The following NAALADL2 variants were observed in gnomAD, a reference collection of about 807,000 sequenced individuals.
NAALADL2 encodes N-acetylated alpha-linked acidic dipeptidase like 2, also known as inactive N-acetylated-alpha-linked acidic dipeptidase-like protein 2.
A neutral mutation model predicts 87.2 loss-of-function variants in NAALADL2; 76 were observed. That is an observed-to-expected ratio of 0.87 (90% CI 0.72 to 1.05). The LOEUF (loss-of-function observed/expected upper bound fraction) is 1.05, where lower values mean the gene tolerates loss of function less well. NAALADL2 is among the 50% of genes least tolerant of loss of function. The pLI is 0.00. For missense variants in NAALADL2, 1,089 were observed against 945.8 expected (o/e 1.15, Z -1.99); for synonymous variants, 354 against 331.0 (o/e 1.07, Z -0.75).
At chr3:175,456,136 G>A (rs531668973) in intron 6 of NAALADL2, among the ~76,000 whole-genome samples, 34 of 152,054 alleles carry the variant, frequency 2.2e-4, no homozygotes, top group East Asian at 7.7e-4. Context: ...TAGTTATCAC[G>A]GAAGAAGAAG....
At position 174,749,488 on chromosome 3, in the gene NAALADL2, C is replaced by T. The variant is rs76250181; in HGVS notation, c.-9+11742C>T. Among the ~76,000 whole-genome samples the T allele has an allele frequency of 6.4e-3, 931 of 146,078 alleles. 6 individuals are homozygous for T. The highest frequency in any genetic ancestry group is 0.023 in the African/African-American group (882 of 38,932). ...TCTGTGAATGGCAGATTATGGTTGC[C>T]AATGATAGTAGTTAGGAAAAAAAAA... On this transcript the variant is annotated intron_variant, in intron 3 of 3. Transcript: ENST00000434257.
At chr3:174,796,120 G>C (rs1718053187) in intron 3 of NAALADL2, among the ~76,000 whole-genome samples, 1 of 152,136 alleles carries the variant, frequency 6.6e-6, no homozygotes, top group African/African-American at 2.4e-5. Context: ...ACAGATACGA[G>C]AGATGCCTTG....
intron 12 of NAALADL2, among the ~76,000 whole-genome samples, chr3:175,738,186 A>G (rs1347443502): frequency 6.6e-6 from 1 of 152,210 alleles, no homozygotes; most frequent in Non-Finnish European, 1.5e-5. Flanking sequence ...TGAAACAGTA[A>G]TCCTTTGAAA....
chr3:175,045,602 G>A (rs1754570522), intron 1 of NAALADL2, among the ~76,000 whole-genome samples: 1 of 152,112 alleles, frequency 6.6e-6, no homozygotes, highest in South Asian at 2.1e-4. Context: ...TTGAATCAGA[G>A]AAAAATGATT....
intron 6 of NAALADL2, among the ~76,000 whole-genome samples, chr3:175,451,253 A>G (rs768042838): frequency 3.2e-4 from 48 of 152,288 alleles, no homozygotes; most frequent in Non-Finnish European, 5.3e-4. Flanking sequence ...AAACAAAAGA[A>G]TTAAATGCCT....
At chr3:174,826,799 T>C (rs1468608891) in intron 3 of NAALADL2, among the ~76,000 whole-genome samples, 1 of 152,192 alleles carries the variant, frequency 6.6e-6, no homozygotes, top group African/African-American at 2.4e-5. Flanking sequence ...AAGTCCTAGA[T>C]AGCATTTCCA....
chr3:175,293,735 A>G (rs886478458), intron 4 of NAALADL2, among the ~76,000 whole-genome samples: 1 of 152,222 alleles, frequency 6.6e-6, no homozygotes, highest in African/African-American at 2.4e-5. Context: ...CCTGAAAGTG[A>G]ACCCTCATCA....
chr3:175,120,532 C>G (rs1725996332), intron 2 of NAALADL2, among the ~76,000 whole-genome samples: 1 of 151,636 alleles, frequency 6.6e-6, no homozygotes, highest in African/African-American at 2.4e-5. Flanking sequence ...AGAGTGAAGG[C>G]CATTAAAAAT....
intron 2 of NAALADL2, among the ~76,000 whole-genome samples, chr3:174,591,351 A>G (rs1242124080): frequency 6.6e-6 from 1 of 152,204 alleles, no homozygotes; most frequent in South Asian, 2.1e-4. Flanking sequence ...AGATAAAATC[A>G]CAGTAGACTA....
In NAALADL2 at chr3:175,252,671, A is replaced by C. The variant is rs140786980; in HGVS notation, c.820-3740A>C. On this transcript the variant is annotated intron_variant, in intron 3 of 13. Transcript: ENST00000454872. ...CAGGTCAAAAGCCAAGATAGGTCACAAGCTAGATCCCTTGTGTCAAACAGC... is the reference window on the plus strand; with the variant it reads ...CAGGTCAAAAGCCAAGATAGGTCACCAGCTAGATCCCTTGTGTCAAACAGC... Among the ~76,000 whole-genome samples the C allele has an allele frequency of 4.8e-3, 724 of 152,338 alleles. 6 individuals carry two copies. The highest frequency in any genetic ancestry group is 0.01 in the Middle Eastern group (3 of 294).
chr3:175,238,520 A>G (rs142443264), intron 3 of NAALADL2, among the ~76,000 whole-genome samples: 1,891 of 152,290 alleles, frequency 0.012, 24 homozygotes, highest in South Asian at 0.039. Flanking sequence ...ATGCAAATCT[A>G]TTATACTAAA....
At chr3:174,598,708 C>G (rs1305677007) in intron 2 of NAALADL2, among the ~76,000 whole-genome samples, 1 of 152,048 alleles carries the variant, frequency 6.6e-6, no homozygotes, top group Non-Finnish European at 1.5e-5. Context: ...TAGATTTGGA[C>G]AGCAAAAGTT....
At chr3:175,754,826 C>T (rs1242917179) in intron 12 of NAALADL2, among the ~76,000 whole-genome samples, 3 of 152,082 alleles carry the variant, frequency 2.0e-5, no homozygotes, top group African/African-American at 7.2e-5. Context: ...AAGTTTTGGT[C>T]AATATTAAAG....
At chr3:174,478,846 G>A (rs1717373742) in intron 1 of NAALADL2, among the ~76,000 whole-genome samples, 1 of 152,192 alleles carries the variant, frequency 6.6e-6, no homozygotes, top group African/African-American at 2.4e-5. Flanking sequence ...TGAGAAACTG[G>A]GATTACAAGT....
In NAALADL2 at chr3:175,628,994, A is replaced by G. The variant is rs1291581040; in HGVS notation, c.1896+1608A>G. 2.0e-5 allele frequency among the ~76,000 whole-genome samples: 3 copies of G among 151,060 alleles called. No individual in the cohort carries two copies. The East Asian group carries it at 5.8e-4, about 29-fold the overall frequency. ...AATCACCTAACAGGAAGCCTATCCC[A>G]GTTCTTTATTTAGCTTTTAGTATCT... On this transcript the variant is annotated intron_variant, in intron 11 of 13. Coordinates refer to ENST00000454872, the MANE Select transcript of NAALADL2 (RefSeq NM_207015.3).
intron 10 of NAALADL2, among the ~76,000 whole-genome samples, chr3:175,597,722 A>G (rs1057260743): frequency 1.3e-5 from 2 of 151,960 alleles, no homozygotes; most frequent in Non-Finnish European, 1.5e-5. Context: ...CCAAGTTGTA[A>G]CAACCAATAT....
At chr3:174,758,922 CTGTT>C (rs1266870926) in intron 3 of NAALADL2, among the ~76,000 whole-genome samples, 2 of 152,142 alleles carry the variant, frequency 1.3e-5, no homozygotes, top group Non-Finnish European at 2.9e-5. Flanking sequence ...CTTATCCAGA[CTGTT>C]TTTTAAATCT....
chr3:175,453,580 T>C (rs1378855060), intron 6 of NAALADL2, among the ~76,000 whole-genome samples: 2 of 152,182 alleles, frequency 1.3e-5, no homozygotes, highest in African/African-American at 4.8e-5. Context: ...TATTTGGCAT[T>C]ATGATATGAT....
At chr3:174,794,357 A>G (rs1464163475) in intron 3 of NAALADL2, among the ~76,000 whole-genome samples, 1 of 152,148 alleles carries the variant, frequency 6.6e-6, no homozygotes, top group Admixed American at 6.6e-5. Context: ...TGGTTATATA[A>G]ATCCGAACTA....
Sources: allele counts gnomAD v4.1 joint callset (sites outside exome capture counted in the v4.1 genomes callset), GRCh38; gene constraint gnomAD v4.1.1; transcripts MANE v1.5; gene names NCBI Gene and HGNC (gene_info 2026-07-23, HGNC 2026-07-21).